Variants in UQCC5 observed in about 807,000 individuals in gnomAD.
UQCC5 encodes ubiquinol-cytochrome c reductase complex assembly factor 5.
At chr3:52,536,958 T>C in the UQCC5 span, 2 of 1,545,658 alleles carry the variant, frequency 1.3e-6, no homozygotes, top group Middle Eastern at 1.8e-4. Flanking sequence ...CACGAGGCGG[T>C]AGGGATCCGT....
chr3:52,536,643 C>A, the UQCC5 span: 1 of 1,490,674 alleles, frequency 6.7e-7, no homozygotes. Flanking sequence ...GGACGGCGCT[C>A]GCTAGTCTCC....
At chr3:52,539,622 G>A in the UQCC5 span, among the ~76,000 whole-genome samples, 1 of 149,850 alleles carries the variant, frequency 6.7e-6, no homozygotes, top group African/African-American at 2.5e-5. Flanking sequence ...AATGGCATGA[G>A]CCATGAAGGA....
At chr3:52,541,521 T>TTAAC in the UQCC5 span, 1 of 152,198 alleles carries the variant, frequency 6.6e-6, no homozygotes. Flanking sequence ...TAAAGAACCA[T>TTAAC]TAACTAACTA....
At chr3:52,536,681 C>A in the UQCC5 span, 1 of 1,527,880 alleles carries the variant, frequency 6.5e-7, no homozygotes, top group Non-Finnish European at 8.8e-7. Flanking sequence ...CGAGAACGGG[C>A]GGGGCGGTCT....
chr3:52,537,944 T>C, the UQCC5 span, among the ~76,000 whole-genome samples: 2 of 152,122 alleles, frequency 1.3e-5, no homozygotes, highest in African/African-American at 2.4e-5. Context: ...GTTTGAGGGA[T>C]TGAAGCAGAT....
At chr3:52,537,264 A>G in the UQCC5 span, among the ~76,000 whole-genome samples, 1 of 152,196 alleles carries the variant, frequency 6.6e-6, no homozygotes, top group African/African-American at 2.4e-5. Context: ...CCTGCTAACT[A>G]GCCATTTCTC....
At chr3:52,538,686 C>T in the UQCC5 span, among the ~76,000 whole-genome samples, 2 of 152,170 alleles carry the variant, frequency 1.3e-5, no homozygotes. Flanking sequence ...GTCTAGAACT[C>T]CTGACCTCAG....
the UQCC5 span, chr3:52,541,334 A>G: frequency 1.3e-5 from 2 of 152,228 alleles, no homozygotes; most frequent in African/African-American, 4.8e-5. Flanking sequence ...AAGCAAAAAA[A>G]AATCTACATA....
At chr3:52,539,591 A>G in the UQCC5 span, among the ~76,000 whole-genome samples, 2 of 152,144 alleles carry the variant, frequency 1.3e-5, no homozygotes, top group African/African-American at 4.8e-5. Flanking sequence ...AGCAGGTGCC[A>G]AAGAAAGATG....
chr3:52,537,132 G>A, the UQCC5 span, among the ~76,000 whole-genome samples: 1 of 152,174 alleles, frequency 6.6e-6, no homozygotes, highest in Non-Finnish European at 1.5e-5. Flanking sequence ...GCGAGATCAC[G>A]TGCTTCTTCC....
the UQCC5 span, chr3:52,537,003 C>A: frequency 6.8e-7 from 1 of 1,468,680 alleles, no homozygotes. Context: ...GCAGACCGCG[C>A]ATTCCACTCA....
At chr3:52,537,508 C>G in the UQCC5 span, among the ~76,000 whole-genome samples, 2 of 152,196 alleles carry the variant, frequency 1.3e-5, no homozygotes, top group African/African-American at 4.8e-5. Flanking sequence ...TTGCCCCTCT[C>G]CTGAAACGCT....
At chr3:52,540,555 AC>A in the UQCC5 span, 6 of 1,119,450 alleles carry the variant, frequency 5.4e-6, no homozygotes, top group Non-Finnish European at 7.6e-6. Flanking sequence ...TTTAAAATAT[AC>A]TTTTCAGATC....
the UQCC5 span, chr3:52,536,676 ACGGGCGGGG>A: frequency 6.6e-7 from 1 of 1,524,336 alleles, no homozygotes; most frequent in Non-Finnish European, 8.8e-7. Context: ...CACGGCGAGA[ACGGGCGGGG>A]CGGTCTCGGC....
At chr3:52,538,846 A>T in the UQCC5 span, among the ~76,000 whole-genome samples, 1 of 152,178 alleles carries the variant, frequency 6.6e-6, no homozygotes, top group Non-Finnish European at 1.5e-5. Flanking sequence ...AGAAGACAGG[A>T]GGTTAAATAC....
chr3:52,539,567 G>A, the UQCC5 span, among the ~76,000 whole-genome samples: 2 of 152,160 alleles, frequency 1.3e-5, no homozygotes, highest in Non-Finnish European at 2.9e-5. Context: ...GGTGACTGAA[G>A]GGGCATGATG....
At chr3:52,540,460 A>C in the UQCC5 span, 1 of 1,533,238 alleles carries the variant, frequency 6.5e-7, no homozygotes, top group East Asian at 2.5e-5. Flanking sequence ...GAAAGACAGT[A>C]TCAGAGAAGG....
the UQCC5 span, chr3:52,541,248 AGT>A: frequency 6.6e-6 from 1 of 152,266 alleles, no homozygotes; most frequent in East Asian, 1.9e-4. Flanking sequence ...AATCTGACCC[AGT>A]GTAAGTTTGG....
chr3:52,541,050 A>G, the UQCC5 span: 1 of 152,318 alleles, frequency 6.6e-6, no homozygotes, highest in South Asian at 2.1e-4. Flanking sequence ...TGGCTCCCCT[A>G]AACTGCAAGG....
Sources: allele counts gnomAD v4.1 joint callset (sites outside exome capture counted in the v4.1 genomes callset), GRCh38; gene constraint gnomAD v4.1.1; transcripts MANE v1.5; gene names NCBI Gene and HGNC (gene_info 2026-07-23, HGNC 2026-07-21).